The following PDE3B variants were observed in gnomAD, a reference collection of about 807,000 sequenced individuals.
PDE3B encodes cGMP-inhibited 3',5'-cyclic phosphodiesterase 3B.
PDE3B carries 66 observed loss-of-function variants against 116.8 expected under a neutral mutation model. The observed-to-expected ratio is 0.56, with a 90% confidence interval of 0.46 to 0.69. The LOEUF (loss-of-function observed/expected upper bound fraction) is 0.69, where lower values mean the gene tolerates loss of function less well. Among genes scored for constraint, PDE3B ranks in the 30% least tolerant of loss-of-function variants. PDE3B has a pLI of 0.00. For missense variants in PDE3B, 1,384 were observed against 1,368.1 expected, an observed-to-expected ratio of 1.01 and a Z score of -0.18; for synonymous variants, 595 against 533.6, an observed-to-expected ratio of 1.12 and a Z score of -1.59.
the PDE3B span, among the ~76,000 whole-genome samples, chr11:14,893,244 T>C: frequency 1.3e-5 from 2 of 152,184 alleles, no homozygotes; most frequent in African/African-American, 2.4e-5. Context: ...AGCAATGACA[T>C]GGAAATACAA....
intron 1 of PDE3B, among the ~76,000 whole-genome samples, chr11:14,678,653 A>T (rs763364314): frequency 6.6e-6 from 1 of 152,162 alleles, no homozygotes; most frequent in Non-Finnish European, 1.5e-5. Context: ...TTAAGTGGAT[A>T]TAAGTCTTTT....
the PDE3B span, among the ~76,000 whole-genome samples, chr11:14,897,982 C>A: frequency 6.6e-6 from 1 of 152,258 alleles, no homozygotes; most frequent in African/African-American, 2.4e-5. Context: ...AGAATAGGAT[C>A]CCTGTATTAC....
At chr11:14,894,302 A>G in the PDE3B span, among the ~76,000 whole-genome samples, 2 of 152,172 alleles carry the variant, frequency 1.3e-5, no homozygotes, top group Non-Finnish European at 2.9e-5. Context: ...AGTGGAGATG[A>G]CACAGGATGG....
chr11:14,809,385 A>C (rs1187726553), intron 5 of PDE3B, among the ~76,000 whole-genome samples: 1 of 152,226 alleles, frequency 6.6e-6, no homozygotes, highest in Non-Finnish European at 1.5e-5. Context: ...CATACAGTAG[A>C]ATATTTTTTG....
chr11:14,767,809 G>A (rs1176368895), intron 1 of PDE3B, among the ~76,000 whole-genome samples: 1 of 151,358 alleles, frequency 6.6e-6, no homozygotes, highest in Non-Finnish European at 1.5e-5. Context: ...GGAACAACTA[G>A]TGATTGACAG....
chr11:14,761,999 A>G (rs1857372141), intron 1 of PDE3B, among the ~76,000 whole-genome samples: 1 of 152,094 alleles, frequency 6.6e-6, no homozygotes, highest in African/African-American at 2.4e-5. Context: ...TAAATTTAAT[A>G]TGCAGTTCTA....
At chr11:14,742,940 T>C (rs1856810849) in intron 1 of PDE3B, among the ~76,000 whole-genome samples, 1 of 152,140 alleles carries the variant, frequency 6.6e-6, no homozygotes, top group Non-Finnish European at 1.5e-5. Context: ...CTCTGGAAGC[T>C]TTGTCCCAGA....
intron 1 of PDE3B, among the ~76,000 whole-genome samples, chr11:14,720,850 G>T (rs1856046130): frequency 1.6e-5 from 1 of 62,740 alleles, no homozygotes; most frequent in African/African-American, 7.1e-5. Flanking sequence ...TTACCATTCA[G>T]GACATAGGCG....
intron 5 of PDE3B, among the ~76,000 whole-genome samples, chr11:14,804,838 AGAAAT>A (rs1203436414): frequency 4.6e-5 from 7 of 152,200 alleles, no homozygotes; most frequent in African/African-American, 1.4e-4. Context: ...CACATAGAAA[AGAAAT>A]GGACAGTCTA....
Position 14,644,264 on chromosome 11 carries a change from G to A in PDE3B, c.189G>A (p.Pro63=), listed in dbSNP as rs772997926. Residue 63 remains proline, a synonymous_variant, in exon 1 of 16, where the codon CCG becomes CCA. Coordinates refer to ENST00000282096, the MANE Select transcript of PDE3B (RefSeq NM_000922.4). ...GCAACGTGGAGCTGCGGCCGCCGCC[G>A]GCCTCTCCCCAGCAGCCGCGGCGCT... ...RFCNVELRPP[P]ASPQQPRRCS... is the part of the protein sequence containing the mutation. The A allele has an allele frequency of 7.6e-6, 12 of 1,568,858 alleles. No individual in the cohort carries two copies. The highest frequency in any genetic ancestry group is 1.1e-5 in the South Asian group (1 of 87,118).
intron 1 of PDE3B, among the ~76,000 whole-genome samples, chr11:14,664,714 C>G (rs1216154759): frequency 6.6e-6 from 1 of 152,058 alleles, no homozygotes; most frequent in Non-Finnish European, 1.5e-5. Flanking sequence ...AAGACTAAAC[C>G]AGGAAGAAGT....
intron 1 of PDE3B, among the ~76,000 whole-genome samples, chr11:14,755,537 G>C (rs780141168): frequency 1.3e-5 from 2 of 152,102 alleles, no homozygotes; most frequent in Non-Finnish European, 2.9e-5. Context: ...TGCGTGAAAA[G>C]ACATTTTCAA....
chr11:14,870,531 A>G lies in PDE3B; in HGVS notation c.*871A>G, dbSNP rs1555008899. Reference sequence around the variant, plus strand: ...AGCACAGATTTGTTAGAAGAAAAAAAATTTGCTGTAATACCAAAACTAACC... The same window carrying G: ...AGCACAGATTTGTTAGAAGAAAAAAGATTTGCTGTAATACCAAAACTAACC... On this transcript the variant is annotated 3_prime_UTR_variant, in exon 16 of 16. Transcript: ENST00000282096. The surrounding 1 kb of genome is among the most constrained non-coding windows in gnomAD (Gnocchi z 4.1). 1.3e-5 allele frequency: 2 copies of G among 152,630 alleles called. No homozygotes were observed. Among genetic ancestry groups the G allele is most frequent in the African/African-American group, 4.8e-5 (2 of 41,460 alleles). 9.5% of individuals were successfully genotyped at this position (152,630 alleles called of 1,614,324 possible).
At chr11:14,747,575 G>A (rs948915371) in intron 1 of PDE3B, among the ~76,000 whole-genome samples, 1 of 152,122 alleles carries the variant, frequency 6.6e-6, no homozygotes, top group Admixed American at 6.6e-5. Context: ...AAAGGGAAGT[G>A]TATAGTTTTC....
chr11:14,816,729 A>G (rs1390105677), intron 5 of PDE3B, among the ~76,000 whole-genome samples: 2 of 152,220 alleles, frequency 1.3e-5, no homozygotes, highest in African/African-American at 4.8e-5. Flanking sequence ...AGCTGGAAAT[A>G]CTTTCATGTA....
chr11:14,696,735 T>G (rs1855218508), intron 1 of PDE3B, among the ~76,000 whole-genome samples: 1 of 152,142 alleles, frequency 6.6e-6, no homozygotes, highest in Non-Finnish European at 1.5e-5. Context: ...TGGGAATATC[T>G]TCTCCTGGTC....
At chr11:14,721,938 AAAAG>A (rs1856113805) in intron 1 of PDE3B, among the ~76,000 whole-genome samples, 1 of 147,336 alleles carries the variant, frequency 6.8e-6, no homozygotes, top group African/African-American at 2.5e-5. Context: ...AAAAAAAAAA[AAAAG>A]AAAATGTGGC....
intron 14 of PDE3B, among the ~76,000 whole-genome samples, chr11:14,864,014 T>C (rs1176092094): frequency 1.3e-5 from 2 of 152,008 alleles, no homozygotes; most frequent in South Asian, 2.1e-4. Flanking sequence ...GACTGGCAAA[T>C]TGGATAAAGA....
At chr11:14,658,505 G>A (rs1267806895) in intron 1 of PDE3B, among the ~76,000 whole-genome samples, 2 of 152,014 alleles carry the variant, frequency 1.3e-5, no homozygotes, top group Non-Finnish European at 2.9e-5. Flanking sequence ...ACAGGCATGC[G>A]CCAACACTCC....
Sources: allele counts gnomAD v4.1 joint callset (sites outside exome capture counted in the v4.1 genomes callset), GRCh38; gene constraint gnomAD v4.1.1; non-coding constraint Gnocchi (gnomAD v3.1); transcripts MANE v1.5; gene names NCBI Gene and HGNC (gene_info 2026-07-23, HGNC 2026-07-21).